YES1: variants seen among roughly 807,000 people sequenced by gnomAD.
The protein encoded by YES1 is YES proto-oncogene 1, Src family tyrosine kinase, also known as tyrosine-protein kinase Yes.
In YES1, 39 loss-of-function variants were observed where a neutral mutation model predicts 70.4. The observed-to-expected ratio is 0.55, with a 90% CI of 0.43 to 0.72. The LOEUF (loss-of-function observed/expected upper bound fraction) is 0.72, where lower values mean the gene tolerates loss of function less well. YES1 is among the 30% of genes least tolerant of loss of function. The pLI, the probability that YES1 is intolerant of heterozygous loss-of-function variation, is 0.00. For missense variants in YES1, 495 were observed against 644.8 expected (o/e 0.77, Z 2.52); for synonymous variants, 198 against 218.6 (o/e 0.91, Z 0.83).
intron 2 of YES1, among the ~76,000 whole-genome samples, chr18:752,457 T>G (rs2145729878): frequency 6.6e-6 from 1 of 152,228 alleles, no homozygotes; most frequent in African/African-American, 2.4e-5. Context: ...GGCTTGGAAA[T>G]GCAGTCAAAT....
chr18:743,690 G>C (rs1036082785), intron 6 of YES1, among the ~76,000 whole-genome samples: 1 of 151,864 alleles, frequency 6.6e-6, no homozygotes, highest in Non-Finnish European at 1.5e-5. Flanking sequence ...GATGAATCAC[G>C]AGGTCAGGAG....
chr18:785,584 C>T (rs555707650), intron 1 of YES1, among the ~76,000 whole-genome samples: 1 of 152,112 alleles, frequency 6.6e-6, no homozygotes, highest in African/African-American at 2.4e-5. Flanking sequence ...TTTGAATATG[C>T]ACCCAAAGTT....
intron 8 of YES1, among the ~76,000 whole-genome samples, chr18:742,517 A>C (rs1014530031): frequency 1.3e-5 from 2 of 151,896 alleles, no homozygotes; most frequent in Non-Finnish European, 2.9e-5. Context: ...TCCTGAATAT[A>C]GGAATTATGT....
At chr18:734,321 G>A (rs1439207836) in intron 10 of YES1, among the ~76,000 whole-genome samples, 2 of 151,734 alleles carry the variant, frequency 1.3e-5, no homozygotes, top group African/African-American at 2.4e-5. Context: ...TTGGGAGGCC[G>A]AGGTGGGCGG....
chr18:794,981 A>G (rs1458077749), intron 1 of YES1, among the ~76,000 whole-genome samples: 2 of 152,012 alleles, frequency 1.3e-5, no homozygotes, highest in Non-Finnish European at 2.9e-5. Context: ...ATGCCTGGCT[A>G]ATTTTTGTAT....
chr18:751,086 A>G (rs888197891), intron 3 of YES1, among the ~76,000 whole-genome samples: 7 of 152,234 alleles, frequency 4.6e-5, no homozygotes, highest in African/African-American at 1.7e-4. Flanking sequence ...TTCCGGAACA[A>G]TAACTGGTAG....
intron 1 of YES1, among the ~76,000 whole-genome samples, chr18:791,074 A>AC (rs1323318434): frequency 7.4e-6 from 1 of 135,480 alleles, no homozygotes; most frequent in Non-Finnish European, 1.6e-5. Context: ...ACATGGTGAA[A>AC]CCCCATCTCT....
At chr18:729,584 G>T in intron 11 of YES1, among the ~76,000 whole-genome samples, 1 of 144,612 alleles carries the variant, frequency 6.9e-6, no homozygotes, top group South Asian at 2.2e-4. Flanking sequence ...TCCAAGATTT[G>T]GATTATCTCA....
chr18:754,445 G>T (rs535761144), intron 2 of YES1, among the ~76,000 whole-genome samples: 1 of 152,152 alleles, frequency 6.6e-6, no homozygotes, highest in African/African-American at 2.4e-5. Flanking sequence ...GGTGGCTCAC[G>T]CATGTAATCC....
chr18:739,500 G>A, intron 9 of YES1: 4 of 351,138 alleles, frequency 1.1e-5, no homozygotes, highest in Non-Finnish European at 2.0e-5. Context: ...CTACCCAGGA[G>A]GCTGAGGCGA....
At chr18:735,623 AGAATCGCTT>A (rs891965435) in intron 10 of YES1, 2 of 152,252 alleles carry the variant, frequency 1.3e-5, no homozygotes, top group African/African-American at 4.8e-5. Context: ...CTGGGGCAGG[AGAATCGCTT>A]GAATCTGGGA....
chr18:734,330 G>A (rs555955777), intron 10 of YES1, among the ~76,000 whole-genome samples: 42 of 151,584 alleles, frequency 2.8e-4, no homozygotes, highest in African/African-American at 8.7e-4. Flanking sequence ...CGAGGTGGGC[G>A]GATCATGAGG....
Position 768,008 on chromosome 18 carries a change from T to C in YES1, c.-8-11173A>G, listed in dbSNP as rs1221098488. Among the ~76,000 whole-genome samples the C allele has an allele frequency of 2.6e-5, 4 of 152,174 alleles. No individual in the cohort carries two copies. The East Asian group carries it at 7.7e-4, about 29-fold the overall frequency. On this transcript the variant is annotated intron_variant, in intron 1 of 11. Coordinates refer to ENST00000314574, the MANE Select transcript of YES1 (RefSeq NM_005433.4). The stretch of plus-strand genomic sequence containing the variant: ...GAGCCACTGTGCCCAGCCTTTTTCA[T>C]CTTTTTCAAAATTGCTTTAAATACT...
intron 11 of YES1, among the ~76,000 whole-genome samples, chr18:731,619 C>T (rs1191811910): frequency 2.0e-5 from 3 of 152,254 alleles, no homozygotes; most frequent in East Asian, 3.9e-4. Context: ...TAATACTGAT[C>T]GCTGAATTTC....
chr18:742,925 C>T lies in YES1; in HGVS notation c.1053G>A (p.Met351Ile), dbSNP rs1388595429. ...GGAGATACTAATACATACCTTTTGA[C>T]ATAAATTCAGTGACAATGTAAATTG... is the stretch of plus-strand genomic sequence containing the variant. Reference protein sequence around the residue: ...EEPIYIVTEFMSKGSLLDFLK... With the variant: ...EEPIYIVTEFISKGSLLDFLK... The change falls in exon 8 of 12, where the codon ATG becomes ATA. Residue 351 changes from methionine to isoleucine, a missense_variant. Met to Ile is a conservative substitution (Grantham distance 10). Coordinates refer to ENST00000314574, the MANE Select transcript of YES1 (RefSeq NM_005433.4). The T allele has an allele frequency of 6.3e-7, 1 of 1,588,354 alleles. No individual in the cohort carries two copies.
intron 9 of YES1, 158 bp downstream of exon 9, chr18:739,577 C>CCA (rs1035201162): frequency 1.8e-6 from 1 of 560,310 alleles, no homozygotes; most frequent in African/African-American, 1.9e-5. Flanking sequence ...CCACTGCATT[C>CCA]CACCCTGGGT....
intron 8 of YES1, 78 bp from the exon 9 acceptor site, chr18:739,889 A>G: frequency 9.3e-7 from 1 of 1,071,244 alleles, no homozygotes; most frequent in Non-Finnish European, 1.3e-6. Context: ...CTCCACCCCA[A>G]ATCACAACAC....
At chr18:763,555 T>C (rs1904702597) in intron 1 of YES1, among the ~76,000 whole-genome samples, 1 of 151,756 alleles carries the variant, frequency 6.6e-6, no homozygotes, top group South Asian at 2.1e-4. Flanking sequence ...AATTACCCAG[T>C]TGTGGTGTGT....
At chr18:802,184 G>C (rs561577902) in intron 1 of YES1, among the ~76,000 whole-genome samples, 1 of 152,164 alleles carries the variant, frequency 6.6e-6, no homozygotes, top group Admixed American at 6.5e-5. Context: ...AGGAGTTCGA[G>C]GCTGTAATGA....
Sources: gnomAD v4.1 joint callset for allele counts (sites outside exome capture counted in the v4.1 genomes callset) on GRCh38, gnomAD v4.1.1 for gene constraint, MANE v1.5 for transcripts, NCBI Gene and HGNC (gene_info 2026-07-23, HGNC 2026-07-21) for gene names.